Variants in LRMDA observed in about 807,000 individuals in gnomAD.
The protein encoded by LRMDA is leucine-rich melanocyte differentiation-associated protein.
In LRMDA, 18 loss-of-function variants were observed where a neutral mutation model predicts 29.8. The ratio of observed to expected loss-of-function variants is 0.60; its 90% CI spans 0.42 to 0.90. The LOEUF (loss-of-function observed/expected upper bound fraction) is 0.90. Among genes scored for constraint, LRMDA ranks in the 40% least tolerant of loss-of-function variants. The pLI is 0.00. For missense variants in LRMDA, 273 were observed against 273.9 expected (o/e 1.00, Z 0.02); for synonymous variants, 125 against 109.4 (o/e 1.14, Z -0.89).
intron 5 of LRMDA, among the ~76,000 whole-genome samples, chr10:76,247,083 T>C (rs1405728078): frequency 1.3e-5 from 2 of 152,202 alleles, no homozygotes; most frequent in African/African-American, 4.8e-5. Flanking sequence ...TCTTACCTCC[T>C]CTGTCCCTCA....
intron 5 of LRMDA, among the ~76,000 whole-genome samples, chr10:76,112,953 C>A (rs1430827062): frequency 6.6e-6 from 1 of 152,198 alleles, no homozygotes; most frequent in Non-Finnish European, 1.5e-5. Flanking sequence ...TGGAAACTGA[C>A]ATGAGAATAA....
intron 2 of LRMDA, among the ~76,000 whole-genome samples, chr10:75,747,834 C>G (rs1842907179): frequency 6.6e-6 from 1 of 152,060 alleles, no homozygotes; most frequent in Non-Finnish European, 1.5e-5. Flanking sequence ...GTCCCCTCTT[C>G]TACACTAGAT....
chr10:75,664,060 T>A (rs1196141300), intron 2 of LRMDA, among the ~76,000 whole-genome samples: 1 of 152,350 alleles, frequency 6.6e-6, no homozygotes, highest in Middle Eastern at 3.4e-3. Flanking sequence ...AAGTTTACTT[T>A]GGCCAGTACT....
chr10:75,692,219 A>AT lies in LRMDA; in HGVS notation c.131+253725_131+253726insT, dbSNP rs1554820676. On this transcript the variant is annotated intron_variant, in intron 2 of 6. Coordinates refer to ENST00000611255, the MANE Select transcript of LRMDA (RefSeq NM_001305581.2). ...CTTGTCTCTGGGGGGAAAAAAAAAA[A>AT]ATATATATATATATATATATATATA... Among the ~76,000 whole-genome samples the AT allele has an allele frequency of 3.7e-3, 326 of 87,506 alleles. 1 individual carries two copies. The highest frequency in any genetic ancestry group is 0.013 in the African/African-American group (234 of 18,064). 57.4% of individuals were successfully genotyped at this position (87,506 alleles called of 152,430 possible). A position where few individuals can be genotyped will look rare whatever the true frequency, so the allele number is the denominator to read the frequency against.
intron 6 of LRMDA, among the ~76,000 whole-genome samples, chr10:76,362,131 G>A (rs1176665382): frequency 6.6e-6 from 1 of 152,170 alleles, no homozygotes; most frequent in Admixed American, 6.5e-5. Context: ...CACTGCCATA[G>A]CCTCTCAAAA....
At chr10:76,234,393 G>C (rs531054976) in intron 5 of LRMDA, among the ~76,000 whole-genome samples, 1 of 152,128 alleles carries the variant, frequency 6.6e-6, no homozygotes, top group African/African-American at 2.4e-5. Context: ...TAGATTTAGC[G>C]TAATTCTTAA....
chr10:76,431,245 C>T (rs937342191), intron 6 of LRMDA, among the ~76,000 whole-genome samples: 8 of 152,064 alleles, frequency 5.3e-5, no homozygotes, highest in Non-Finnish European at 4.4e-5. Flanking sequence ...AGTGAATTTA[C>T]GTGTTTGAGG....
At chr10:75,873,726 G>A (rs566773694) in intron 2 of LRMDA, among the ~76,000 whole-genome samples, 23 of 148,958 alleles carry the variant, frequency 1.5e-4, no homozygotes, top group African/African-American at 5.3e-4. Flanking sequence ...GATCATACTC[G>A]TATATTTCCA....
chr10:75,962,085 C>T (rs1024962963), intron 2 of LRMDA, among the ~76,000 whole-genome samples: 5 of 152,188 alleles, frequency 3.3e-5, no homozygotes, highest in South Asian at 4.1e-4. Context: ...ATCATTTCAT[C>T]GTATTACATC....
At chr10:76,485,680 A>G (rs941073040) in intron 6 of LRMDA, among the ~76,000 whole-genome samples, 3 of 151,784 alleles carry the variant, frequency 2.0e-5, no homozygotes, top group African/African-American at 7.3e-5. Flanking sequence ...AACATTTCTC[A>G]TAGAATAAGT....
intron 5 of LRMDA, 148 bp downstream of exon 5, chr10:76,058,931 A>T: frequency 1.5e-6 from 1 of 668,832 alleles, no homozygotes; most frequent in South Asian, 1.7e-5. Context: ...TGTTGGCCAA[A>T]CATGAAATAG....
chr10:75,850,818 C>A (rs1839009064), intron 2 of LRMDA, among the ~76,000 whole-genome samples: 1 of 152,052 alleles, frequency 6.6e-6, no homozygotes, highest in African/African-American at 2.4e-5. Context: ...GAAGCTGAAA[C>A]TTGAAAGACA....
chr10:75,565,406 C>A (rs1185708298), intron 2 of LRMDA, among the ~76,000 whole-genome samples: 4 of 152,242 alleles, frequency 2.6e-5, no homozygotes, highest in African/African-American at 9.6e-5. Context: ...AATTGTTGCT[C>A]TTGGCCTCTT....
chr10:76,504,599 A>G (rs1449875384), intron 6 of LRMDA, among the ~76,000 whole-genome samples: 2 of 151,874 alleles, frequency 1.3e-5, no homozygotes, highest in Admixed American at 6.6e-5. Flanking sequence ...TGATGTTTTA[A>G]AGTTTGTTTT....
At chr10:75,635,582 G>A (rs1841381272) in intron 2 of LRMDA, among the ~76,000 whole-genome samples, 1 of 152,104 alleles carries the variant, frequency 6.6e-6, no homozygotes, top group Non-Finnish European at 1.5e-5. Context: ...CACCCACAAG[G>A]GAAAGAGATG....
intron 5 of LRMDA, among the ~76,000 whole-genome samples, chr10:76,126,858 A>G (rs1849892933): frequency 6.6e-6 from 1 of 152,190 alleles, no homozygotes; most frequent in Admixed American, 6.5e-5. Flanking sequence ...TCTTGGGCAA[A>G]AGGCTCTCAG....
At chr10:75,891,222 C>A (rs545239570) in intron 2 of LRMDA, among the ~76,000 whole-genome samples, 11 of 152,262 alleles carry the variant, frequency 7.2e-5, no homozygotes, top group African/African-American at 2.6e-4. Flanking sequence ...CCTGCCCTTC[C>A]CTGTAGGAAG....
intron 5 of LRMDA, among the ~76,000 whole-genome samples, chr10:76,236,969 T>C (rs569924555): frequency 6.6e-6 from 1 of 152,354 alleles, no homozygotes; most frequent in African/African-American, 2.4e-5. Flanking sequence ...GTGTTTTGGA[T>C]TTCTGCAATA....
At chr10:76,056,353 A>T (rs368186736) in intron 4 of LRMDA, among the ~76,000 whole-genome samples, 3 of 152,316 alleles carry the variant, frequency 2.0e-5, no homozygotes, top group African/African-American at 7.2e-5. Flanking sequence ...TGATTTACGA[A>T]ACTGGTAGCC....
Sources: gnomAD v4.1 joint callset for allele counts (sites outside exome capture counted in the v4.1 genomes callset) on GRCh38, gnomAD v4.1.1 for gene constraint, MANE v1.5 for transcripts, NCBI Gene and HGNC (gene_info 2026-07-23, HGNC 2026-07-21) for gene names.